PPP2R2C: variants seen among roughly 807,000 people sequenced by gnomAD.
PPP2R2C encodes the protein protein phosphatase 2, regulatory subunit B, gamma.
Under a neutral mutation model 45.3 loss-of-function variants are expected in PPP2R2C, and 10 were observed. The ratio of observed to expected loss-of-function variants is 0.22; its 90% CI spans 0.14 to 0.37. PPP2R2C has a LOEUF of 0.37. Among genes scored for constraint, PPP2R2C ranks in the 10% least tolerant of loss-of-function variants. The probability of loss-of-function intolerance (pLI) is 1.00; values close to 1 mark genes in which losing one functional copy is unlikely to be tolerated. For missense variants in PPP2R2C, 308 were observed against 619.7 expected, an observed-to-expected ratio of 0.50 and a Z score of 5.34; for synonymous variants, 257 against 245.4, an observed-to-expected ratio of 1.05 and a Z score of -0.44.
intron 5 of PPP2R2C, among the ~76,000 whole-genome samples, chr4:6,355,993 G>A (rs1218784083): frequency 6.1e-5 from 6 of 97,900 alleles, no homozygotes; most frequent in South Asian, 3.8e-4. Context: ...ACTCTGCCTG[G>A]AAAAAAAAAA....
At chr4:6,382,075 T>C in intron 1 of PPP2R2C, 1 of 1,386,474 alleles carries the variant, frequency 7.2e-7, no homozygotes, top group African/African-American at 1.5e-5. Context: ...CAAGTTTTAC[T>C]GCAGCCCCAA....
Position 6,515,108 on chromosome 4 carries a change from A to T in PPP2R2C, c.49+20163T>A, listed in dbSNP as rs763496694. 3.9e-5 allele frequency among the ~76,000 whole-genome samples: 6 copies of T among 152,088 alleles called. 1 individual carries two copies. The highest frequency in any genetic ancestry group is 6.3e-3 in the Middle Eastern group (2 of 316). ...AGGCATCAGGGGTGAGGACCCCAAC[A>T]TATCTTTTGAGGGGACACAATTCCA... On this transcript the variant is annotated intron_variant, in intron 2 of 9. Coordinates refer to the PPP2R2C transcript ENST00000506140.
intron 1 of PPP2R2C, among the ~76,000 whole-genome samples, chr4:6,416,176 A>AGCT (rs771548397): frequency 0.29 from 44,146 of 151,710 alleles, 6,822 homozygotes; most frequent in East Asian, 0.61. Flanking sequence ...AACAAGGATA[A>AGCT]CAACCTTCCA....
At chr4:6,341,063 G>C (rs541667326) in intron 6 of PPP2R2C, among the ~76,000 whole-genome samples, 25 of 152,336 alleles carry the variant, frequency 1.6e-4, no homozygotes, top group African/African-American at 4.3e-4. Flanking sequence ...CCACTCAGGT[G>C]GGGGGCGGTG....
chr4:6,390,446 G>A (rs1045235149), intron 1 of PPP2R2C, among the ~76,000 whole-genome samples: 5 of 152,170 alleles, frequency 3.3e-5, no homozygotes, highest in African/African-American at 9.7e-5. Context: ...GGTAGAAGGC[G>A]GCCCATCCCC....
chr4:6,332,058 G>A lies in PPP2R2C; in HGVS notation c.960+1504C>T, dbSNP rs1732449405. Among the ~76,000 whole-genome samples the A allele has an allele frequency of 6.6e-6, 1 of 152,182 alleles. No homozygotes were observed. The highest frequency in any genetic ancestry group is 2.4e-5 in the African/African-American group (1 of 41,428). On this transcript the variant is annotated intron_variant, in intron 7 of 8. Coordinates refer to ENST00000382599, the MANE Select transcript of PPP2R2C (RefSeq NM_020416.4). The surrounding 1 kb of genome is among the most constrained non-coding windows in gnomAD (Gnocchi z 4.9). ...AACAGTCATTCCCCTCCTTCGTGGGGTCCTTCATGAGAATTTCAGAAAGCT... is the reference window on the plus strand; with the variant it reads ...AACAGTCATTCCCCTCCTTCGTGGGATCCTTCATGAGAATTTCAGAAAGCT...
rs1474880466 is a variant in PPP2R2C, at chr4:6,347,937, G to T, written c.699C>A (p.His233Gln). Residue 233 changes from histidine to glutamine, a missense_variant, in exon 6 of 9, where the codon CAC becomes CAA. Transcript: ENST00000382599. ...EVITASEFHP[H>Q]HCNLFVYSSS... ...TGCTGTAGACGAAGAGGTTGCAGTG[G>T]TGCGGATGGAACTCAGATGCTGTGA... 1 of 1,614,100 alleles carries T rather than the reference G, an allele frequency of 6.2e-7. No homozygotes were observed. The highest frequency in any genetic ancestry group is 1.3e-5 in the African/African-American group (1 of 75,014).
intron 2 of PPP2R2C, among the ~76,000 whole-genome samples, chr4:6,480,736 G>A (rs2108778188): frequency 6.6e-6 from 1 of 152,220 alleles, no homozygotes; most frequent in East Asian, 1.9e-4. Flanking sequence ...CATGCATACT[G>A]GAATATATAC....
chr4:6,457,136 A>G (rs1038062745), intron 1 of PPP2R2C, among the ~76,000 whole-genome samples: 1 of 148,402 alleles, frequency 6.7e-6, no homozygotes, highest in South Asian at 2.2e-4. Flanking sequence ...TTGAACCAGG[A>G]GACAGAAGTT....
chr4:6,327,939 G>A (rs1006418699), intron 8 of PPP2R2C, among the ~76,000 whole-genome samples: 1 of 152,014 alleles, frequency 6.6e-6, no homozygotes. Context: ...CTGCTTCCAG[G>A]GGGCTCCCTC....
In PPP2R2C at chr4:6,368,826, A is replaced by C. The variant is rs1015955686; in HGVS notation, c.625+3697T>G. 6.6e-6 allele frequency among the ~76,000 whole-genome samples: 1 copy of C among 152,144 alleles called. No homozygotes were observed. Among genetic ancestry groups the C allele is most frequent in the African/African-American group, 2.4e-5 (1 of 41,514 alleles). ...TTGTCTGCTGGAATCCAATCCACCC[A>C]CGACACACACCCACGACATACACAC... On this transcript the variant is annotated intron_variant, in intron 5 of 8. Transcript: ENST00000382599. The surrounding 1 kb of genome is among the most constrained non-coding windows in gnomAD (Gnocchi z 4.2).
chr4:6,511,612 G>A (rs868154134), intron 2 of PPP2R2C, among the ~76,000 whole-genome samples: 1 of 81,232 alleles, frequency 1.2e-5, no homozygotes, highest in African/African-American at 5.5e-5. Context: ...GGTGGTGGTG[G>A]TGGTGATGGT....
At chr4:6,417,704 C>T (rs1275206060) in intron 1 of PPP2R2C, among the ~76,000 whole-genome samples, 1 of 152,230 alleles carries the variant, frequency 6.6e-6, no homozygotes, top group African/African-American at 2.4e-5. Flanking sequence ...AGAGGTGCCT[C>T]CAGTGAGGGC....
At chr4:6,383,315 G>C in intron 1 of PPP2R2C, 2 of 1,282,354 alleles carry the variant, frequency 1.6e-6, no homozygotes, top group Non-Finnish European at 2.0e-6. Context: ...GCCAAGCCCA[G>C]ACCACAGAAT....
At chr4:6,416,840 G>C (rs956016802) in intron 1 of PPP2R2C, among the ~76,000 whole-genome samples, 1 of 152,224 alleles carries the variant, frequency 6.6e-6, no homozygotes, top group African/African-American at 2.4e-5. Context: ...CCCTGTGTGT[G>C]CCCCAGGGGA....
At chr4:6,510,991 AAACAAAC>A (rs1560592906) in intron 2 of PPP2R2C, among the ~76,000 whole-genome samples, 3 of 72,350 alleles carry the variant, frequency 4.1e-5, no homozygotes, top group Admixed American at 1.5e-4. Context: ...AAAAAAAAAC[AAACAAAC>A]AAAAAAAAAA....
chr4:6,456,493 C>T (rs543499400), intron 1 of PPP2R2C, among the ~76,000 whole-genome samples: 1 of 152,302 alleles, frequency 6.6e-6, no homozygotes, highest in African/African-American at 2.4e-5. Flanking sequence ...CAATAAAGAG[C>T]CTTACCTCTC....
At chr4:6,451,802 C>T (rs1560557746) in intron 1 of PPP2R2C, among the ~76,000 whole-genome samples, 1 of 152,022 alleles carries the variant, frequency 6.6e-6, no homozygotes, top group Non-Finnish European at 1.5e-5. Flanking sequence ...ATAAATGACA[C>T]CCCTATTCCT....
chr4:6,548,383 A>G (rs1200061432), intron 1 of PPP2R2C, among the ~76,000 whole-genome samples: 1 of 152,128 alleles, frequency 6.6e-6, no homozygotes, highest in Non-Finnish European at 1.5e-5. Flanking sequence ...TCCCATCCTC[A>G]CAGCCACCAG....
Sources: allele counts gnomAD v4.1 joint callset (sites outside exome capture counted in the v4.1 genomes callset), GRCh38; gene constraint gnomAD v4.1.1; non-coding constraint Gnocchi (gnomAD v3.1); transcripts MANE v1.5; gene names NCBI Gene and HGNC (gene_info 2026-07-23, HGNC 2026-07-21).